The following SNX29 variants were observed in gnomAD, a reference collection of about 807,000 sequenced individuals.
The protein encoded by SNX29 is sorting nexin 29, also known as sorting nexin-29.
SNX29 carries 78 observed loss-of-function variants against 102.1 expected under a neutral mutation model. The ratio of observed to expected loss-of-function variants is 0.76; its 90% CI spans 0.64 to 0.92. The LOEUF is 0.92. Ranked by LOEUF, SNX29 falls within the 40% of genes least tolerant of loss-of-function variation. The probability of loss-of-function intolerance (pLI) is 0.00; values close to 1 mark genes in which losing one functional copy is unlikely to be tolerated. For synonymous variants in SNX29, 580 were observed against 414.5 expected (o/e 1.40, Z -4.85); for missense variants, 1,280 against 1,061.7 (o/e 1.21, Z -2.86).
At chr16:12,566,323 A>AC (rs1022975671) in intron 20 of SNX29, among the ~76,000 whole-genome samples, 1 of 151,834 alleles carries the variant, frequency 6.6e-6, no homozygotes, top group Admixed American at 6.6e-5. Context: ...TCCTCTCCCT[A>AC]CCCCTTCATA....
At chr16:12,149,112 C>G (rs1230301229) in intron 13 of SNX29, among the ~76,000 whole-genome samples, 1 of 152,150 alleles carries the variant, frequency 6.6e-6, no homozygotes, top group Non-Finnish European at 1.5e-5. Flanking sequence ...GAGCATTTGT[C>G]AGTTACTTCT....
chr16:12,526,584 A>C, intron 20 of SNX29: 1 of 531,138 alleles, frequency 1.9e-6, no homozygotes, highest in Non-Finnish European at 3.7e-6. Flanking sequence ...TGGCCGCGAT[A>C]GTTCACGTGA....
intron 3 of SNX29, among the ~76,000 whole-genome samples, chr16:12,011,190 T>G (rs559706839): frequency 2.0e-5 from 2 of 99,326 alleles, no homozygotes; most frequent in Non-Finnish European, 2.3e-5. Flanking sequence ...TTGCTTGGGG[T>G]TTTTTTTTTT....
chr16:12,045,421 G>C (rs1251749675), intron 5 of SNX29, among the ~76,000 whole-genome samples: 1 of 152,088 alleles, frequency 6.6e-6, no homozygotes, highest in African/African-American at 2.4e-5. Context: ...GAGCTTGCAA[G>C]TTGGACTCGG....
At chr16:12,176,285 T>G (rs990003914) in intron 13 of SNX29, among the ~76,000 whole-genome samples, 6 of 152,242 alleles carry the variant, frequency 3.9e-5, no homozygotes, top group South Asian at 2.1e-4. Flanking sequence ...TTCTCCCAGC[T>G]TTTGACAGGT....
chr16:12,155,584 C>G (rs151332739), intron 13 of SNX29, among the ~76,000 whole-genome samples: 1 of 152,108 alleles, frequency 6.6e-6, no homozygotes, highest in African/African-American at 2.4e-5. Context: ...TAACTGGGGA[C>G]CAAATGAGAG....
chr16:12,299,177 G>GT (rs1350541268), intron 15 of SNX29, among the ~76,000 whole-genome samples: 6 of 152,014 alleles, frequency 3.9e-5, no homozygotes, highest in African/African-American at 1.4e-4. Context: ...GCACATGCTT[G>GT]TAATCTCAGC....
At chr16:12,514,322 C>T (rs1167701053) in intron 19 of SNX29, among the ~76,000 whole-genome samples, 1 of 152,140 alleles carries the variant, frequency 6.6e-6, no homozygotes, top group Non-Finnish European at 1.5e-5. Context: ...CTAGCTCCCC[C>T]TACCTCAGGC....
chr16:12,378,817 C>CCTCTCCCCTA (rs2082972491), intron 16 of SNX29, among the ~76,000 whole-genome samples: 2 of 152,164 alleles, frequency 1.3e-5, no homozygotes, highest in African/African-American at 4.8e-5. Context: ...CAGCCCAGTC[C>CCTCTCCCCTA]GTCTCCCCTC....
At chr16:12,516,215 C>T (rs999131557) in intron 19 of SNX29, among the ~76,000 whole-genome samples, 1 of 152,152 alleles carries the variant, frequency 6.6e-6, no homozygotes, top group African/African-American at 2.4e-5. Flanking sequence ...CGTGGTGGCT[C>T]ACACCTGTGA....
chr16:12,547,170 A>G (rs532417309), intron 20 of SNX29, among the ~76,000 whole-genome samples: 1 of 152,204 alleles, frequency 6.6e-6, no homozygotes, highest in East Asian at 1.9e-4. Context: ...TGTGCTGTTT[A>G]TGGTCTAGGA....
At chr16:12,011,146 C>T (rs573892593) in intron 3 of SNX29, among the ~76,000 whole-genome samples, 89 of 149,134 alleles carry the variant, frequency 6.0e-4, no homozygotes, top group Non-Finnish European at 9.5e-4. Context: ...GTCCATATTG[C>T]ATACTCTTTT....
chr16:11,990,043 G>T (rs1341184131), intron 1 of SNX29, among the ~76,000 whole-genome samples: 1 of 152,192 alleles, frequency 6.6e-6, no homozygotes, highest in Non-Finnish European at 1.5e-5. Flanking sequence ...TGTTCCTTGG[G>T]TAAATGATCA....
intron 15 of SNX29, among the ~76,000 whole-genome samples, chr16:12,299,040 C>T (rs2080074196): frequency 6.6e-6 from 1 of 151,610 alleles, no homozygotes; most frequent in South Asian, 2.1e-4. Flanking sequence ...TGGCTCATGC[C>T]TGTAATCCCA....
chr16:12,281,091 T>A (rs957429418), intron 15 of SNX29, among the ~76,000 whole-genome samples: 7 of 152,082 alleles, frequency 4.6e-5, no homozygotes, highest in Admixed American at 3.9e-4. Flanking sequence ...TAAATTTACT[T>A]TTTCTAGAGA....
intron 15 of SNX29, among the ~76,000 whole-genome samples, chr16:12,302,364 G>A (rs1763385234): frequency 6.6e-6 from 1 of 152,184 alleles, no homozygotes; most frequent in Admixed American, 6.5e-5. Flanking sequence ...TATCATTATT[G>A]ATTGTGTTAT....
intron 10 of SNX29, among the ~76,000 whole-genome samples, chr16:12,071,962 G>T (rs897151672): frequency 2.0e-5 from 3 of 151,644 alleles, no homozygotes; most frequent in Admixed American, 2.0e-4. Context: ...TCATGATTTG[G>T]CTGTTTGTCT....
chr16:12,281,105 G>A (rs1002972540), intron 15 of SNX29, among the ~76,000 whole-genome samples: 2 of 152,122 alleles, frequency 1.3e-5, no homozygotes, highest in African/African-American at 2.4e-5. Context: ...CTAGAGATGG[G>A]ATCTTGCTAT....
At chr16:12,403,356 G>C in intron 17 of SNX29, 92 bp from the exon 18 acceptor site, 3 of 1,278,046 alleles carry the variant, frequency 2.3e-6, no homozygotes, top group South Asian at 2.6e-5. Flanking sequence ...ACCTCTTGGA[G>C]TAGAAAATTG....
Sources: gnomAD v4.1 joint callset for allele counts (sites outside exome capture counted in the v4.1 genomes callset) on GRCh38, gnomAD v4.1.1 for gene constraint, MANE v1.5 for transcripts, NCBI Gene and HGNC (gene_info 2026-07-23, HGNC 2026-07-21) for gene names.